SCYL2: variants seen among roughly 807,000 people sequenced by gnomAD.
SCYL2 encodes SCY1-like protein 2.
In SCYL2, 36 loss-of-function variants were observed where a neutral mutation model predicts 100.4. The ratio of observed to expected loss-of-function variants is 0.36; its 90% CI spans 0.27 to 0.47. The LOEUF (loss-of-function observed/expected upper bound fraction) is 0.47, where lower values mean the gene tolerates loss of function less well. Among genes scored for constraint, SCYL2 ranks in the 20% least tolerant of loss-of-function variants. The pLI, the probability that SCYL2 is intolerant of heterozygous loss-of-function variation, is 1.00. For synonymous variants in SCYL2, 330 were observed against 359.2 expected (o/e 0.92, Z 0.92); for missense variants, 902 against 1,083.9 (o/e 0.83, Z 2.36).
chr12:100,339,131 A>G lies in SCYL2; in HGVS notation c.2749A>G (p.Ser917Gly), dbSNP rs759335430. Residue 917 changes from serine to glycine, a missense_variant, in exon 18 of 18, where the codon AGC becomes GGC. Ser to Gly is a moderately conservative substitution (Grantham distance 56). Transcript: ENST00000360820. ...ACAGCCACCAACTACTATGACCAAT[A>G]GCAGTTCAGCTAGCAATGATTTAAA... ...FAQPPTTMTN[S>G]SSASNDLKDL... 1 of 1,613,852 alleles carries G rather than the reference A, an allele frequency of 6.2e-7. No individual in the cohort carries two copies. Among genetic ancestry groups the G allele is most frequent in the Non-Finnish European group, 8.5e-7 (1 of 1,179,914 alleles).
chr12:100,302,135 A>G (rs1214425350), intron 4 of SCYL2, among the ~76,000 whole-genome samples: 1 of 152,140 alleles, frequency 6.6e-6, no homozygotes, highest in East Asian at 1.9e-4. Flanking sequence ...TAAATGCAAG[A>G]CAAAGTCCTT....
At chr12:100,331,389 C>T (rs1418639884) in intron 13 of SCYL2, among the ~76,000 whole-genome samples, 1 of 152,136 alleles carries the variant, frequency 6.6e-6, no homozygotes, top group African/African-American at 2.4e-5. Context: ...AGGTGGATCA[C>T]TTGAGCTCAG....
chr12:100,320,448 G>A (rs1036286817), intron 10 of SCYL2, among the ~76,000 whole-genome samples: 20 of 152,076 alleles, frequency 1.3e-4, no homozygotes, highest in Non-Finnish European at 1.5e-4. Flanking sequence ...TCAGGAGGCT[G>A]AGGCAGGGAG....
chr12:100,326,883 A>G (rs1378356756), intron 12 of SCYL2, 129 bp downstream of exon 12: 1 of 707,160 alleles, frequency 1.4e-6, no homozygotes, highest in Non-Finnish European at 2.2e-6. Context: ...GATAAATACC[A>G]TAATATAACT....
Position 100,337,485 on chromosome 12 carries a change from A to T in SCYL2, c.2124A>T (p.Thr708=), listed in dbSNP as rs758425703. 2 of 1,613,508 alleles carry T rather than the reference A, an allele frequency of 1.2e-6. No individual in the cohort carries two copies. Among genetic ancestry groups the T allele is most frequent in the African/African-American group, 2.7e-5 (2 of 74,902 alleles). The part of the protein sequence containing the change: ...SQQPLKPQVH[T]PVATVKQTKD... ...AGCCTCTTAAACCCCAAGTGCACAC[A>T]CCTGTTGCTACTGTTAAACAGGTCA... Residue 708 remains threonine, a synonymous_variant, in exon 17 of 18, where the codon ACA becomes ACT. Transcript: ENST00000360820.
Position 100,339,442 on chromosome 12 carries a change from C to G in SCYL2, c.*270C>G, listed in dbSNP as rs1952325812. 2.5e-6 allele frequency: 1 copy of G among 401,876 alleles called. No individual in the cohort carries two copies. The highest frequency in any genetic ancestry group is 4.5e-6 in the Non-Finnish European group (1 of 224,430). 24.9% of individuals were successfully genotyped at this position (401,876 alleles called of 1,614,324 possible). A position where few individuals can be genotyped will look rare whatever the true frequency, so the allele number is the denominator to read the frequency against. On this transcript the variant is annotated 3_prime_UTR_variant, in exon 18 of 18. Coordinates refer to ENST00000360820, the MANE Select transcript of SCYL2 (RefSeq NM_017988.6). ...CCCAATCTCAAAGAGAAAAAGGAAACTGAGTTATCTTGAATAACATAACTT... is the reference window on the plus strand; with the variant it reads ...CCCAATCTCAAAGAGAAAAAGGAAAGTGAGTTATCTTGAATAACATAACTT...
rs200346668 is a variant in SCYL2, at chr12:100,339,112, A to G, written c.2730A>G (p.Pro910=). ...PFFNPQNFAQ[P]PTTMTNSSSA... is the part of the protein sequence containing the mutation. ...TTAACCCACAGAACTTTGCACAGCC[A>G]CCAACTACTATGACCAATAGCAGTT... Residue 910 remains proline (P), a synonymous_variant, in exon 18 of 18, where the codon CCA becomes CCG. Coordinates refer to ENST00000360820, the MANE Select transcript of SCYL2 (RefSeq NM_017988.6). 5.0e-6 allele frequency: 8 copies of G among 1,614,086 alleles called. No homozygotes were observed. The highest frequency in any genetic ancestry group is 5.9e-6 in the Non-Finnish European group (7 of 1,179,954).
chr12:100,335,958 C>A (rs779099487), intron 16 of SCYL2, 52 bp downstream of exon 16: 4 of 1,303,260 alleles, frequency 3.1e-6, no homozygotes, highest in African/African-American at 3.0e-5. Flanking sequence ...TGTAGGACTT[C>A]CTGTAAACCA....
chr12:100,273,445 A>AT (rs1476483794), intron 1 of SCYL2, among the ~76,000 whole-genome samples: 1 of 151,866 alleles, frequency 6.6e-6, no homozygotes, highest in Admixed American at 6.6e-5. Context: ...TTGATGTAAG[A>AT]TTTTTCATAG....
intron 4 of SCYL2, among the ~76,000 whole-genome samples, chr12:100,299,366 C>T: frequency 6.6e-6 from 1 of 152,172 alleles, no homozygotes; most frequent in East Asian, 1.9e-4. Context: ...ATATAATTGG[C>T]ATACAGTAAA....
chr12:100,331,947 G>A (rs1441403091), intron 13 of SCYL2, among the ~76,000 whole-genome samples: 3 of 152,130 alleles, frequency 2.0e-5, no homozygotes, highest in African/African-American at 7.2e-5. Flanking sequence ...TGTGTTTGAG[G>A]GGGGTTTCTA....
intron 1 of SCYL2, among the ~76,000 whole-genome samples, chr12:100,280,244 AC>A (rs2096296653): frequency 3.3e-5 from 5 of 152,234 alleles, no homozygotes; most frequent in Admixed American, 2.0e-4. Flanking sequence ...TCATTTATTT[AC>A]TTAGAGTAAT....
Position 100,335,796 on chromosome 12 carries a change from A to T in SCYL2, c.1930-15A>T. 1 of 1,608,154 alleles carries T rather than the reference A, an allele frequency of 6.2e-7. No homozygotes were observed. Among genetic ancestry groups the T allele is most frequent in the Admixed American group, 1.7e-5 (1 of 59,772 alleles). On this transcript the variant is annotated splice_polypyrimidine_tract_variant and intron_variant, in intron 15 of 17. Coordinates refer to ENST00000360820, the MANE Select transcript of SCYL2 (RefSeq NM_017988.6). ...TATTGAACTTATTTAAATTATTGAC[A>T]TTTTTCTATTTCAGCAAATTGACAA...
Position 100,267,219 on chromosome 12 carries a change from C to G in SCYL2, c.-602C>G, listed in dbSNP as rs536550738. On this transcript the variant is annotated 5_prime_UTR_variant, in exon 1 of 18. Transcript: ENST00000360820. ...CTTACTCTTCGTCCCCGGTCCCTCC[C>G]CTCCCCACCCCTTTCCTTCTAGCTC... The G allele has an allele frequency of 1.2e-6, 1 of 838,574 alleles. No individual in the cohort carries two copies. The highest frequency in any genetic ancestry group is 3.7e-4 in the Middle Eastern group (1 of 2,732). 51.9% of individuals were successfully genotyped at this position (838,574 alleles called of 1,614,324 possible).
At chr12:100,318,429 C>T (rs1003822411) in intron 10 of SCYL2, among the ~76,000 whole-genome samples, 4 of 149,614 alleles carry the variant, frequency 2.7e-5, no homozygotes, top group Non-Finnish European at 5.9e-5. Flanking sequence ...CTCCTGGGTT[C>T]AAGCAATTCT....
At chr12:100,329,053 A>G (rs1042347088) in intron 12 of SCYL2, 148 bp from the exon 13 acceptor site, 2 of 537,430 alleles carry the variant, frequency 3.7e-6, no homozygotes, top group Middle Eastern at 5.0e-4. Context: ...TCTGATTCAT[A>G]TGTAAGAACA....
Position 100,338,859 on chromosome 12 carries a change from G to A in SCYL2, c.2477G>A (p.Gly826Asp), listed in dbSNP as rs758203501. ...NFNALSVPPA[G>D]AKQTQQRPTD... ...AATGCTTTGAGTGTTCCTCCTGCTG[G>A]TGCAAAGCAGACCCAACAAAGACCC... The change falls in exon 18 of 18, where the codon GGT becomes GAT. Residue 826 changes from glycine (G) to aspartate (D), a missense_variant. Coordinates refer to ENST00000360820, the MANE Select transcript of SCYL2 (RefSeq NM_017988.6). The A allele has an allele frequency of 8.1e-6, 13 of 1,614,002 alleles. No homozygotes were observed. The highest frequency in any genetic ancestry group is 1.6e-4 in the Middle Eastern group (1 of 6,084).
chr12:100,269,182 A>C (rs756689172), intron 1 of SCYL2, among the ~76,000 whole-genome samples: 10 of 152,148 alleles, frequency 6.6e-5, no homozygotes, highest in Non-Finnish European at 1.0e-4. Context: ...CAAGCCCTGC[A>C]TAGTCGGTCC....
At chr12:100,289,687 A>G (rs543084580) in intron 2 of SCYL2, among the ~76,000 whole-genome samples, 1 of 152,292 alleles carries the variant, frequency 6.6e-6, no homozygotes, top group African/African-American at 2.4e-5. Context: ...AACAGTGACC[A>G]AGGTTTGAGT....
Sources: gnomAD v4.1 joint callset for allele counts (sites outside exome capture counted in the v4.1 genomes callset) on GRCh38, gnomAD v4.1.1 for gene constraint, MANE v1.5 for transcripts, NCBI Gene and HGNC (gene_info 2026-07-23, HGNC 2026-07-21) for gene names.